NDUFA5: variants seen among roughly 807,000 people sequenced by gnomAD.
NDUFA5 encodes NADH dehydrogenase [ubiquinone] 1 alpha subcomplex subunit 5.
Under a neutral mutation model 19.8 loss-of-function variants are expected in NDUFA5, and 11 were observed. That is an observed-to-expected ratio of 0.56 (90% CI 0.35 to 0.92). NDUFA5 has a LOEUF of 0.92. NDUFA5 is among the 40% of genes least tolerant of loss of function. The probability of loss-of-function intolerance (pLI) is 0.01; values close to 1 mark genes in which losing one functional copy is unlikely to be tolerated. For missense variants in NDUFA5, 109 were observed against 134.2 expected, an observed-to-expected ratio of 0.81 and a Z score of 0.93; for synonymous variants, 47 against 46.8, an observed-to-expected ratio of 1.00 and a Z score of -0.01.
chr7:123,557,690 G>A (rs754121952), intron 1 of NDUFA5, 85 bp downstream of exon 1: 9 of 1,613,894 alleles, frequency 5.6e-6, no homozygotes, highest in South Asian at 2.2e-5. Context: ...GCGACAGTAG[G>A]GGTCAACACC....
chr7:123,576,597 A>T, the NDUFA5 span, among the ~76,000 whole-genome samples: 1 of 152,092 alleles, frequency 6.6e-6, no homozygotes, highest in South Asian at 2.1e-4. Flanking sequence ...CATCTATGGG[A>T]TTCTCTGTGT....
At chr7:123,575,795 A>C in the NDUFA5 span, among the ~76,000 whole-genome samples, 37,831 of 147,528 alleles carry the variant, frequency 0.26, 5,008 homozygotes, top group East Asian at 0.4. Flanking sequence ...TGATTTTTTT[A>C]ACCTGGCAGC....
At chr7:123,599,863 C>A in the NDUFA5 span, among the ~76,000 whole-genome samples, 1 of 152,172 alleles carries the variant, frequency 6.6e-6, no homozygotes, top group Admixed American at 6.5e-5. Flanking sequence ...ACTGTTAAAT[C>A]TGACCCCTCC....
intron 2 of NDUFA5, chr7:123,554,680 CT>C (rs59380778): frequency 0.057 from 8,202 of 143,488 alleles, 243 homozygotes; most frequent in African/African-American, 0.1. Context: ...GTTGTTATCT[CT>C]TTTTTTTTTT....
the NDUFA5 span, among the ~76,000 whole-genome samples, chr7:123,577,134 T>A: frequency 6.4e-4 from 97 of 152,332 alleles, no homozygotes; most frequent in African/African-American, 2.1e-3. Flanking sequence ...GTCTTTTTCA[T>A]ATTATTTGTA....
At chr7:123,566,827 G>T in the NDUFA5 span, among the ~76,000 whole-genome samples, 2 of 152,164 alleles carry the variant, frequency 1.3e-5, no homozygotes, top group Non-Finnish European at 2.9e-5. Context: ...TGGCCGAAAT[G>T]ACCTTATTTT....
At chr7:123,548,268 A>T (rs759467963) in intron 3 of NDUFA5, among the ~76,000 whole-genome samples, 71 of 152,324 alleles carry the variant, frequency 4.7e-4, no homozygotes, top group Non-Finnish European at 8.7e-4. Context: ...GTTTGGGGTT[A>T]TATCTAGCCT....
the NDUFA5 span, among the ~76,000 whole-genome samples, chr7:123,585,527 G>A: frequency 6.6e-5 from 10 of 151,654 alleles, no homozygotes; most frequent in Admixed American, 2.0e-4. Context: ...TAAATAAAAC[G>A]TGTATATACA....
chr7:123,548,942 AAC>A, intron 3 of NDUFA5, among the ~76,000 whole-genome samples: 1 of 152,240 alleles, frequency 6.6e-6, no homozygotes, highest in East Asian at 1.9e-4. Context: ...TATTCAAAAA[AAC>A]ACAATAAAAA....
chr7:123,577,467 TGAC>T, the NDUFA5 span, among the ~76,000 whole-genome samples: 1 of 152,174 alleles, frequency 6.6e-6, no homozygotes, highest in Non-Finnish European at 1.5e-5. Flanking sequence ...CACATCACAA[TGAC>T]ATTTGCTTTT....
At chr7:123,594,169 T>C in the NDUFA5 span, among the ~76,000 whole-genome samples, 1 of 152,102 alleles carries the variant, frequency 6.6e-6, no homozygotes, top group African/African-American at 2.4e-5. Flanking sequence ...TATTCTAGTT[T>C]GCCATTCCTC....
chr7:123,557,535 C>G (rs1416165448), intron 1 of NDUFA5, 87 bp from the exon 2 acceptor site: 1 of 1,611,182 alleles, frequency 6.2e-7, no homozygotes, highest in Non-Finnish European at 8.5e-7. Context: ...CACGAATCCC[C>G]CGGCTAAAAC....
intron 3 of NDUFA5, among the ~76,000 whole-genome samples, chr7:123,547,910 C>T (rs1034153311): frequency 2.6e-5 from 4 of 151,938 alleles, no homozygotes; most frequent in African/African-American, 9.7e-5. Context: ...TTACCTCATT[C>T]GGTTCTAACA....
In NDUFA5 at chr7:123,537,821, TTTTGTAAAAAAAAAAAAATAGTTATC is replaced by T. The variant is rs1797797458; in HGVS notation, c.*4272_*4297del. The T allele has an allele frequency of 7.2e-6, 1 of 138,654 alleles. No homozygotes were observed. Among genetic ancestry groups the T allele is most frequent in the East Asian group, 2.2e-4 (1 of 4,590 alleles). 8.6% of individuals were successfully genotyped at this position (138,654 alleles called of 1,614,324 possible). ...TTATAGAGAGATTAAAATGCCAATA[TTTTGTAAAAAAAAAAAAATAGTTATC>T]TTTAGAAAACCTAATAGATTCACCT... On this transcript the variant is annotated 3_prime_UTR_variant, in exon 5 of 5. Coordinates refer to ENST00000355749, the MANE Select transcript of NDUFA5 (RefSeq NM_005000.5).
the NDUFA5 span, among the ~76,000 whole-genome samples, chr7:123,583,309 C>T: frequency 6.6e-6 from 1 of 151,824 alleles, no homozygotes; most frequent in African/African-American, 2.4e-5. Context: ...ATTTTTGGGC[C>T]TAATTTCAAC....
At chr7:123,542,632 T>C (rs984822067) in intron 4 of NDUFA5, among the ~76,000 whole-genome samples, 8 of 152,206 alleles carry the variant, frequency 5.3e-5, no homozygotes, top group Admixed American at 5.2e-4. Flanking sequence ...ACTAAAACTT[T>C]TTAAATTATT....
chr7:123,563,091 G>C, the NDUFA5 span, among the ~76,000 whole-genome samples: 1 of 152,064 alleles, frequency 6.6e-6, no homozygotes, highest in Non-Finnish European at 1.5e-5. Context: ...GTGAGCCACC[G>C]CGCCTGGCCT....
At chr7:123,566,711 C>T in the NDUFA5 span, among the ~76,000 whole-genome samples, 2 of 152,194 alleles carry the variant, frequency 1.3e-5, no homozygotes, top group African/African-American at 4.8e-5. Flanking sequence ...TATAAAGAAA[C>T]TATTACATTG....
intron 2 of NDUFA5, among the ~76,000 whole-genome samples, chr7:123,553,835 G>A (rs1798442429): frequency 6.6e-6 from 1 of 152,106 alleles, no homozygotes; most frequent in Non-Finnish European, 1.5e-5. Flanking sequence ...GTTTCACTAA[G>A]TATTAGCATT....
Sources: gnomAD v4.1 joint callset for allele counts (sites outside exome capture counted in the v4.1 genomes callset) on GRCh38, gnomAD v4.1.1 for gene constraint, MANE v1.5 for transcripts, NCBI Gene and HGNC (gene_info 2026-07-23, HGNC 2026-07-21) for gene names.